SNX3: variants seen among roughly 807,000 people sequenced by gnomAD.
SNX3 encodes sorting nexin 3.
SNX3 carries 5 observed loss-of-function variants against 17.7 expected under a neutral mutation model. The observed-to-expected ratio is 0.28, with a 90% CI of 0.15 to 0.59. SNX3 has a LOEUF of 0.59. SNX3 is among the 20% of genes least tolerant of loss of function. The probability of loss-of-function intolerance (pLI) is 0.88; values close to 1 mark genes in which losing one functional copy is unlikely to be tolerated. For missense variants in SNX3, 132 were observed against 206.8 expected, an observed-to-expected ratio of 0.64 and a Z score of 2.22; for synonymous variants, 91 against 76.5, an observed-to-expected ratio of 1.19 and a Z score of -0.99.
At chr6:108,226,187 AC>A (rs1180861870) in intron 1 of SNX3, among the ~76,000 whole-genome samples, 3 of 151,992 alleles carry the variant, frequency 2.0e-5, no homozygotes, top group Admixed American at 1.3e-4. Flanking sequence ...GATTTCTCCT[AC>A]CTCAACCCCC....
intron 1 of SNX3, among the ~76,000 whole-genome samples, chr6:108,250,460 T>C (rs635051): frequency 0.27 from 41,724 of 152,090 alleles, 7,740 homozygotes; most frequent in African/African-American, 0.51. Context: ...TTGCCAACCC[T>C]TGCTCTATTT....
At chr6:108,222,123 T>C in intron 2 of SNX3, 1 of 1,028,398 alleles carries the variant, frequency 9.7e-7, no homozygotes. Flanking sequence ...CACTTTTATC[T>C]TAGGCTAGAA....
rs116290883 is a variant in SNX3, at chr6:108,242,280, A to T, written c.162+18480T>A. Among the ~76,000 whole-genome samples, 396 of 152,318 alleles carry T rather than the reference A, an allele frequency of 2.6e-3. 2 individuals are homozygous for T. The highest frequency in any genetic ancestry group is 9.2e-3 in the African/African-American group (381 of 41,582). Reference sequence around the variant, plus strand: ...AACAATAAATAATGGCTGAAAACTTAAAAAAATTTGACTAAACCCTTAATC... The same window carrying T: ...AACAATAAATAATGGCTGAAAACTTTAAAAAATTTGACTAAACCCTTAATC... On this transcript the variant is annotated intron_variant, in intron 1 of 3. Transcript: ENST00000230085.
chr6:108,214,305 C>A (rs1013716564), intron 3 of SNX3, among the ~76,000 whole-genome samples, 193 bp downstream of exon 3: 1 of 152,212 alleles, frequency 6.6e-6, no homozygotes, highest in African/African-American at 2.4e-5. Context: ...CAAAGATGCT[C>A]ATTTCAATCA....
At chr6:108,243,597 C>G (rs1306051103) in intron 1 of SNX3, among the ~76,000 whole-genome samples, 2 of 152,106 alleles carry the variant, frequency 1.3e-5, no homozygotes, top group Non-Finnish European at 2.9e-5. Context: ...CTAAAGAAAG[C>G]CCTTCCGGCT....
rs370938486 is a variant in SNX3 at position 108,232,895 on chromosome 6, T to C, written c.163-9850A>G. ...CTGGAGATATGGTTTATAACCTAGA[T>C]GAACTCTTAATAAGGCTGAGAAGAA... is the stretch of plus-strand genomic sequence containing the variant. On this transcript the variant is annotated intron_variant, in intron 1 of 3. Coordinates refer to ENST00000230085, the MANE Select transcript of SNX3 (RefSeq NM_003795.6). Among the ~76,000 whole-genome samples, 17 of 152,352 alleles carry C rather than the reference T, an allele frequency of 1.1e-4. No individual in the cohort carries two copies. In the East Asian group the frequency reaches 3.3e-3, roughly 29 times the overall value.
chr6:108,223,730 T>C (rs1028800825), intron 1 of SNX3, among the ~76,000 whole-genome samples: 2 of 151,988 alleles, frequency 1.3e-5, no homozygotes, highest in African/African-American at 2.4e-5. Context: ...CTCAAACTCC[T>C]GACCTCAAGT....
chr6:108,236,758 A>G (rs1200292931), intron 1 of SNX3, among the ~76,000 whole-genome samples: 1 of 152,204 alleles, frequency 6.6e-6, no homozygotes, highest in Non-Finnish European at 1.5e-5. Context: ...GGAAAACTAT[A>G]AAAAACATGA....
At chr6:108,212,793 A>T (rs1277102324) in intron 3 of SNX3, among the ~76,000 whole-genome samples, 2 of 152,098 alleles carry the variant, frequency 1.3e-5, no homozygotes. Context: ...CATGTACCCA[A>T]TTAGCTTTAC....
chr6:108,255,502 G>A (rs1275599134), intron 1 of SNX3, among the ~76,000 whole-genome samples: 2 of 151,910 alleles, frequency 1.3e-5, no homozygotes, highest in Non-Finnish European at 2.9e-5. Context: ...ACAGGCACAC[G>A]CCACCATGCC....
chr6:108,255,491 TA>T (rs1776002531), intron 1 of SNX3, among the ~76,000 whole-genome samples: 1 of 151,988 alleles, frequency 6.6e-6, no homozygotes, highest in African/African-American at 2.4e-5. Context: ...TAGCTGGGAC[TA>T]CAGGCACACG....
At chr6:108,225,614 A>T (rs752386204) in intron 1 of SNX3, among the ~76,000 whole-genome samples, 5 of 152,200 alleles carry the variant, frequency 3.3e-5, no homozygotes, top group Non-Finnish European at 7.4e-5. Context: ...CCTGAGCGAC[A>T]GAGTGAGACT....
intron 3 of SNX3, among the ~76,000 whole-genome samples, chr6:108,213,007 C>A (rs1376644984): frequency 2.0e-5 from 3 of 151,450 alleles, no homozygotes; most frequent in Non-Finnish European, 4.4e-5. Context: ...CCTGCCACAG[C>A]CTCCTGAGTA....
chr6:108,228,387 A>G (rs1775036055), intron 1 of SNX3, among the ~76,000 whole-genome samples: 1 of 152,156 alleles, frequency 6.6e-6, no homozygotes, highest in Admixed American at 6.5e-5. Context: ...TGTCTCTACT[A>G]AAAACACAAA....
At chr6:108,212,817 T>G (rs1238546348) in intron 3 of SNX3, among the ~76,000 whole-genome samples, 2 of 152,084 alleles carry the variant, frequency 1.3e-5, no homozygotes. Flanking sequence ...ATAGCTGGTG[T>G]ATTCATAAGA....
At chr6:108,241,992 A>G (rs1472861457) in intron 1 of SNX3, among the ~76,000 whole-genome samples, 2 of 152,302 alleles carry the variant, frequency 1.3e-5, no homozygotes, top group East Asian at 3.9e-4. Flanking sequence ...TCTCAACAAA[A>G]AGATTATTTA....
chr6:108,216,048 G>A (rs1184951705), intron 2 of SNX3, among the ~76,000 whole-genome samples: 1 of 152,148 alleles, frequency 6.6e-6, no homozygotes, highest in Non-Finnish European at 1.5e-5. Context: ...CTGAGAATCA[G>A]ATAAGTTTTG....
chr6:108,234,238 C>CATATAT (rs10655859), intron 1 of SNX3, among the ~76,000 whole-genome samples: 6,656 of 148,136 alleles, frequency 0.045, 283 homozygotes, highest in Admixed American at 0.14. Flanking sequence ...ATATAAAAAA[C>CATATAT]ATATATATAT....
At chr6:108,220,547 C>T (rs1174046448) in intron 2 of SNX3, among the ~76,000 whole-genome samples, 1 of 152,034 alleles carries the variant, frequency 6.6e-6, no homozygotes, top group East Asian at 1.9e-4. Context: ...TAGGCTACAC[C>T]ACCTGGGTTT....
Sources: gnomAD v4.1 joint callset for allele counts (sites outside exome capture counted in the v4.1 genomes callset) on GRCh38, gnomAD v4.1.1 for gene constraint, MANE v1.5 for transcripts, NCBI Gene and HGNC (gene_info 2026-07-23, HGNC 2026-07-21) for gene names.